The following PRPSAP2 variants were observed in gnomAD, a reference collection of about 807,000 sequenced individuals.
The protein encoded by PRPSAP2 is phosphoribosyl pyrophosphate synthase-associated protein 2.
Under a neutral mutation model 40.6 loss-of-function variants are expected in PRPSAP2, and 24 were observed. That is an observed-to-expected ratio of 0.59 (90% CI 0.43 to 0.83). PRPSAP2 has a LOEUF of 0.83. Ranked by LOEUF, PRPSAP2 falls within the 40% of genes least tolerant of loss-of-function variation. The pLI is 0.00. For synonymous variants in PRPSAP2, 149 were observed against 164.7 expected (o/e 0.90, Z 0.73); for missense variants, 292 against 465.6 (o/e 0.63, Z 3.43).
At chr17:18,885,806 C>A (rs892657086) in intron 7 of PRPSAP2, among the ~76,000 whole-genome samples, 1 of 152,062 alleles carries the variant, frequency 6.6e-6, no homozygotes, top group Admixed American at 6.6e-5. Context: ...AGGCTGGTCT[C>A]GAACTCCTGA....
intron 7 of PRPSAP2, among the ~76,000 whole-genome samples, chr17:18,887,062 G>A (rs973645405): frequency 6.8e-6 from 1 of 146,438 alleles, no homozygotes; most frequent in Non-Finnish European, 1.5e-5. Context: ...TCAGCCTCCC[G>A]AGTAGCTGGG....
intron 8 of PRPSAP2, among the ~76,000 whole-genome samples, chr17:18,892,686 TGAG>T (rs1468960341): frequency 1.3e-5 from 1 of 74,788 alleles, no homozygotes; most frequent in Non-Finnish European, 2.8e-5. Flanking sequence ...CTCAGCCTGT[TGAG>T]TGTGTGTGTG....
upstream of PRPSAP2, among the ~76,000 whole-genome samples, chr17:18,857,092 A>AGGAGGC (rs2036630658): frequency 1.3e-5 from 2 of 152,080 alleles, no homozygotes. Flanking sequence ...CCAGGACTTT[A>AGGAGGC]GGAGGCGGAG....
rs762190495 is a variant in PRPSAP2, at chr17:18,923,903, A to T, written c.734-11A>T. 1 of 1,607,222 alleles carries T rather than the reference A, an allele frequency of 6.2e-7. No homozygotes were observed. The highest frequency in any genetic ancestry group is 8.5e-7 in the Non-Finnish European group (1 of 1,176,656). ...ATAAAAATTTTGGTGTGTGTGTTTT[A>T]TTCCAACCAGTGCTGATTCCTAAAG... is the stretch of plus-strand genomic sequence containing the variant. On this transcript the variant is annotated splice_polypyrimidine_tract_variant and intron_variant, in intron 9 of 11. Transcript: ENST00000268835.
At chr17:18,863,204 T>C (rs2037170478) in intron 1 of PRPSAP2, among the ~76,000 whole-genome samples, 2 of 151,924 alleles carry the variant, frequency 1.3e-5, no homozygotes, top group South Asian at 4.1e-4. Flanking sequence ...AGTGGTGCAA[T>C]CATGGCTCAT....
At chr17:18,875,405 A>G (rs2038210582) in intron 5 of PRPSAP2, among the ~76,000 whole-genome samples, 1 of 152,004 alleles carries the variant, frequency 6.6e-6, no homozygotes, top group Non-Finnish European at 1.5e-5. Flanking sequence ...CTTTACTAAA[A>G]ATACAAAAAA....
intron 7 of PRPSAP2, among the ~76,000 whole-genome samples, chr17:18,886,929 C>T (rs373856724): frequency 2.1e-4 from 16 of 75,386 alleles, no homozygotes; most frequent in Admixed American, 6.0e-4. Context: ...TTCTTTTCTT[C>T]TTTTTTTTTT....
chr17:18,904,244 T>C (rs1261245357), intron 8 of PRPSAP2: 2 of 152,098 alleles, frequency 1.3e-5, no homozygotes, highest in African/African-American at 4.8e-5. Flanking sequence ...AGAATGGTGG[T>C]GGTTAGTGCC....
intron 10 of PRPSAP2, 138 bp from the exon 11 acceptor site, chr17:18,928,673 C>G (rs1192025364): frequency 1.8e-6 from 2 of 1,095,604 alleles, no homozygotes; most frequent in Non-Finnish European, 1.3e-6. Context: ...GGACATGGGG[C>G]CATGCCGTCT....
intron 6 of PRPSAP2, among the ~76,000 whole-genome samples, chr17:18,880,416 C>T (rs2038645801): frequency 6.6e-6 from 1 of 151,002 alleles, no homozygotes; most frequent in Non-Finnish European, 1.5e-5. Context: ...CTTTTTTTTT[C>T]CCCATGGGTC....
intron 8 of PRPSAP2, chr17:18,904,446 G>A (rs1221977593): frequency 2.0e-5 from 3 of 152,110 alleles, no homozygotes; most frequent in African/African-American, 7.2e-5. Flanking sequence ...GTAGACATGG[G>A]GTTTCACCAT....
intron 6 of PRPSAP2, among the ~76,000 whole-genome samples, chr17:18,878,423 C>G (rs141726118): frequency 1.5e-4 from 23 of 152,312 alleles, no homozygotes; most frequent in Non-Finnish European, 2.4e-4. Flanking sequence ...TATTCTGTGT[C>G]AGGCATTTTC....
intron 8 of PRPSAP2, among the ~76,000 whole-genome samples, chr17:18,902,451 C>T (rs146132186): frequency 6.6e-6 from 1 of 152,218 alleles, no homozygotes; most frequent in Admixed American, 6.5e-5. Flanking sequence ...AGGAAACAGA[C>T]CCACAGAGAT....
chr17:18,925,096 G>A (rs2041901611), intron 10 of PRPSAP2, among the ~76,000 whole-genome samples: 1 of 152,082 alleles, frequency 6.6e-6, no homozygotes, highest in African/African-American at 2.4e-5. Context: ...CTCTAGCCTG[G>A]GCGAAAGAGT....
chr17:18,877,439 C>T (rs920244149), intron 5 of PRPSAP2, among the ~76,000 whole-genome samples: 4 of 152,022 alleles, frequency 2.6e-5, no homozygotes, highest in Non-Finnish European at 4.4e-5. Context: ...GAGGGCAGGC[C>T]GACTCCTGGG....
intron 4 of PRPSAP2, 91 bp downstream of exon 4, chr17:18,867,425 G>T: frequency 4.9e-6 from 7 of 1,435,050 alleles, no homozygotes; most frequent in South Asian, 1.2e-5. Flanking sequence ...GAAACGATTT[G>T]ATTCAGTTGT....
chr17:18,906,218 G>T (rs1252406103), intron 8 of PRPSAP2, among the ~76,000 whole-genome samples: 1 of 151,996 alleles, frequency 6.6e-6, no homozygotes, highest in African/African-American at 2.4e-5. Flanking sequence ...TTGTTTGTTT[G>T]TTTGTTTGTT....
intron 6 of PRPSAP2, among the ~76,000 whole-genome samples, chr17:18,880,231 C>T (rs575534142): frequency 3.3e-5 from 5 of 152,328 alleles, no homozygotes; most frequent in African/African-American, 4.8e-5. Flanking sequence ...CCCATCTTCT[C>T]TACCAGCCTT....
chr17:18,916,726 C>G (rs2041341472), intron 9 of PRPSAP2, among the ~76,000 whole-genome samples: 1 of 152,158 alleles, frequency 6.6e-6, no homozygotes, highest in African/African-American at 2.4e-5. Flanking sequence ...GCTCACAGTT[C>G]TGGAGACTGG....
Sources: gnomAD v4.1 joint callset for allele counts (sites outside exome capture counted in the v4.1 genomes callset) on GRCh38, gnomAD v4.1.1 for gene constraint, MANE v1.5 for transcripts, NCBI Gene and HGNC (gene_info 2026-07-23, HGNC 2026-07-21) for gene names.